Variants in ROBO2 observed in about 807,000 individuals in gnomAD.
ROBO2 encodes the protein roundabout guidance receptor 2, also known as roundabout homolog 2.
ROBO2 carries 53 observed loss-of-function variants against 160.8 expected under a neutral mutation model. The ratio of observed to expected loss-of-function variants is 0.33; its 90% confidence interval spans 0.26 to 0.41. ROBO2 has a LOEUF of 0.41. Among genes scored for constraint, ROBO2 ranks in the 10% least tolerant of loss-of-function variants. The pLI, the probability that ROBO2 is intolerant of heterozygous loss-of-function variation, is 1.00. For synonymous variants in ROBO2, 664 were observed against 611.7 expected, an observed-to-expected ratio of 1.09 and a Z score of -1.26; for missense variants, 1,577 against 1,722.4, an observed-to-expected ratio of 0.92 and a Z score of 1.49.
chr3:77,608,000 C>A (rs2094559042), intron 21 of ROBO2, 46 bp downstream of exon 22: 1 of 1,597,392 alleles, frequency 6.3e-7, no homozygotes, highest in Admixed American at 1.7e-5. Flanking sequence ...GCTCTCCTCT[C>A]CTCTCTGTTG....
intron 2 of ROBO2, among the ~76,000 whole-genome samples, chr3:76,138,781 G>C (rs538844950): frequency 6.6e-6 from 1 of 152,200 alleles, no homozygotes; most frequent in South Asian, 2.1e-4. Flanking sequence ...ATAGTTTACT[G>C]TGTTCACAAT....
intron 2 of ROBO2, among the ~76,000 whole-genome samples, chr3:76,901,784 C>T (rs1410694625): frequency 6.6e-6 from 1 of 151,868 alleles, no homozygotes; most frequent in Non-Finnish European, 1.5e-5. Flanking sequence ...AAAACATGTT[C>T]ATATATGCAA....
At chr3:77,020,632 A>G (rs2062572388) in intron 2 of ROBO2, among the ~76,000 whole-genome samples, 1 of 152,202 alleles carries the variant, frequency 6.6e-6, no homozygotes. Flanking sequence ...ACATTATCTA[A>G]TATCAACAAC....
intron 2 of ROBO2, among the ~76,000 whole-genome samples, chr3:76,681,315 A>C (rs1212699304): frequency 3.3e-5 from 5 of 152,176 alleles, no homozygotes; most frequent in African/African-American, 4.8e-5. Context: ...GAAGAGAAAA[A>C]GAGGCACGGA....
chr3:77,000,312 A>G (rs921870600), intron 2 of ROBO2, among the ~76,000 whole-genome samples: 6 of 152,160 alleles, frequency 3.9e-5, no homozygotes. Context: ...TATAAGAATC[A>G]TTAAAACAGC....
chr3:76,729,451 G>C (rs2093601246), intron 2 of ROBO2, among the ~76,000 whole-genome samples: 1 of 151,884 alleles, frequency 6.6e-6, no homozygotes, highest in Non-Finnish European at 1.5e-5. Flanking sequence ...GGCAGCTGAG[G>C]TTTAATCTAC....
chr3:76,473,776 G>T (rs2078790999), intron 2 of ROBO2, among the ~76,000 whole-genome samples: 1 of 152,110 alleles, frequency 6.6e-6, no homozygotes, highest in South Asian at 2.1e-4. Flanking sequence ...AAAAGAATGA[G>T]ACATTGAAGA....
chr3:76,438,325 G>T (rs1282242666), intron 2 of ROBO2, among the ~76,000 whole-genome samples: 1 of 151,906 alleles, frequency 6.6e-6, no homozygotes, highest in Admixed American at 6.6e-5. Flanking sequence ...AAAATTTTAT[G>T]TGGAATTGTA....
At chr3:76,750,016 A>C (rs556341843) in intron 2 of ROBO2, among the ~76,000 whole-genome samples, 1 of 152,252 alleles carries the variant, frequency 6.6e-6, no homozygotes, top group South Asian at 2.1e-4. Flanking sequence ...TTAGACCAAT[A>C]TCCCTGATGA....
At chr3:76,239,188 A>G (rs1705140385) in intron 2 of ROBO2, among the ~76,000 whole-genome samples, 1 of 152,176 alleles carries the variant, frequency 6.6e-6, no homozygotes, top group South Asian at 2.1e-4. Flanking sequence ...GATAGAGAGA[A>G]ATAAATTTTT....
chr3:77,471,780 A>C (rs1379464615), intron 2 of ROBO2, among the ~76,000 whole-genome samples: 1 of 152,190 alleles, frequency 6.6e-6, no homozygotes, highest in African/African-American at 2.4e-5. Flanking sequence ...AGGAGAGGAA[A>C]GTGGGAGACA....
chr3:75,993,231 T>C (rs1244493031), intron 2 of ROBO2, among the ~76,000 whole-genome samples: 1 of 152,136 alleles, frequency 6.6e-6, no homozygotes, highest in Non-Finnish European at 1.5e-5. Flanking sequence ...CATCTGAAGT[T>C]GGAACTTTCC....
intron 1 of ROBO2, among the ~76,000 whole-genome samples, chr3:77,085,542 T>A (rs2069192290): frequency 6.6e-6 from 1 of 152,088 alleles, no homozygotes; most frequent in Non-Finnish European, 1.5e-5. Flanking sequence ...TGAAAATCCA[T>A]TCATTGTCAG....
intron 2 of ROBO2, among the ~76,000 whole-genome samples, chr3:76,916,590 A>G (rs538409963): frequency 1.7e-5 from 2 of 119,762 alleles, no homozygotes; most frequent in Non-Finnish European, 4.0e-5. Context: ...CCTCCCACCC[A>G]GGCCTCCCAA....
intron 2 of ROBO2, among the ~76,000 whole-genome samples, chr3:76,658,210 A>C (rs939766955): frequency 6.6e-6 from 1 of 151,784 alleles, no homozygotes; most frequent in Non-Finnish European, 1.5e-5. Context: ...ACCCAGACAT[A>C]GTCACTATTA....
intron 2 of ROBO2, among the ~76,000 whole-genome samples, chr3:76,646,148 C>G (rs761932123): frequency 3.9e-4 from 60 of 152,146 alleles, no homozygotes; most frequent in South Asian, 1.0e-3. Context: ...AGTTTTATAT[C>G]AGGTTAAAGA....
intron 2 of ROBO2, among the ~76,000 whole-genome samples, chr3:77,381,766 T>C (rs2073501660): frequency 6.6e-6 from 1 of 152,232 alleles, no homozygotes; most frequent in African/African-American, 2.4e-5. Flanking sequence ...TATCCACATA[T>C]GTGAGCACTT....
intron 2 of ROBO2, among the ~76,000 whole-genome samples, chr3:77,370,009 G>A (rs1238956104): frequency 2.6e-5 from 4 of 152,168 alleles, no homozygotes; most frequent in African/African-American, 9.7e-5. Flanking sequence ...CATTGTAGAT[G>A]CAACAAGAGT....
rs531854796 is a variant in ROBO2, at chr3:76,601,528, A to G, written c.110-496486A>G. Among the ~76,000 whole-genome samples, 6 of 152,312 alleles carry G rather than the reference A, an allele frequency of 3.9e-5. No individual in the cohort carries two copies. In the East Asian group the frequency reaches 1.2e-3, roughly 30 times the overall value. On this transcript the variant is annotated intron_variant, in intron 2 of 26. Coordinates refer to the ROBO2 transcript ENST00000487694. ...GGCTCAACACCACATGGAAACTTCC[A>G]AGGCTTGGGGCTTCCACCCTCTGAA...
Sources: allele counts gnomAD v4.1 joint callset (sites outside exome capture counted in the v4.1 genomes callset), GRCh38; gene constraint gnomAD v4.1.1; transcripts MANE v1.5; gene names NCBI Gene and HGNC (gene_info 2026-07-23, HGNC 2026-07-21).